Variants in PNPLA7 observed in about 807,000 individuals in gnomAD.
PNPLA7 encodes patatin-like phospholipase domain-containing protein 7.
Under a neutral mutation model 161.7 loss-of-function variants are expected in PNPLA7, and 153 were observed. The ratio of observed to expected loss-of-function variants is 0.95; its 90% CI spans 0.83 to 1.08. PNPLA7 has a LOEUF of 1.08. Among genes scored for constraint, PNPLA7 ranks in the 50% least tolerant of loss-of-function variants. The pLI is 0.00. For synonymous variants in PNPLA7, 809 were observed against 782.1 expected (o/e 1.03, Z -0.57); for missense variants, 1,739 against 1,856.6 (o/e 0.94, Z 1.16).
At chr9:137,544,607 C>A (rs897921298) in intron 4 of PNPLA7, among the ~76,000 whole-genome samples, 1 of 152,210 alleles carries the variant, frequency 6.6e-6, no homozygotes, top group Non-Finnish European at 1.5e-5. Context: ...CCACATCCCT[C>A]CCCTCTTGAG....
chr9:137,541,494 C>G lies in PNPLA7; in HGVS notation c.667-772G>C. On this transcript the variant is annotated intron_variant, in intron 7 of 34. Transcript: ENST00000406427. This position sits in a 1 kb window ranked among gnomAD's most constrained non-coding sequence, Gnocchi z 4.4. ...GGCAGTGCCGGAGCTGGCGTGGGAT[C>G]ACAGCCCACTCCCGGGACCACAGCT... The G allele has an allele frequency of 1.0e-6, 1 of 985,480 alleles. No homozygotes were observed. The highest frequency in any genetic ancestry group is 1.2e-6 in the Non-Finnish European group (1 of 829,936). The allele number at this position is 985,480 out of a possible 1,614,324, so 61.0% of individuals were successfully genotyped here. A position where few individuals can be genotyped will look rare whatever the true frequency, so the allele number is the denominator to read the frequency against.
intron 11 of PNPLA7, 85 bp downstream of exon 11, chr9:137,519,832 A>G (rs538119379): frequency 6.6e-7 from 1 of 1,521,776 alleles, no homozygotes; most frequent in South Asian, 1.3e-5. Context: ...CATGTGCAAG[A>G]TGACCTGGGG....
rs377012830 is a variant in PNPLA7 at position 137,541,784 on chromosome 9, G to A, written c.666+858C>T. ...TGAGCTCCTACGTGGATTCACACCC[G>A]AATTTTTTTTTTTTTGAGACAGGGT... On this transcript the variant is annotated intron_variant, in intron 7 of 34. Coordinates refer to ENST00000406427, the MANE Select transcript of PNPLA7 (RefSeq NM_001098537.3). This position sits in a 1 kb window ranked among gnomAD's most constrained non-coding sequence, Gnocchi z 4.4. 3.3e-5 allele frequency among the ~76,000 whole-genome samples: 5 copies of A among 151,808 alleles called. No individual in the cohort carries two copies. The highest frequency in any genetic ancestry group is 2.1e-4 in the South Asian group (1 of 4,804).
rs561281940 is a variant in PNPLA7, at chr9:137,519,514, G to A, written c.1084+403C>T. 3.9e-5 allele frequency among the ~76,000 whole-genome samples: 6 copies of A among 152,272 alleles called. No homozygotes were observed. The East Asian group carries it at 5.8e-4, about 15-fold the overall frequency. ...GGAGACGGGCACACGTAATGAGACCGTTGGAGGTTTGAGGACATCCAGCCC... is the reference window on the plus strand; with the variant it reads ...GGAGACGGGCACACGTAATGAGACCATTGGAGGTTTGAGGACATCCAGCCC... On this transcript the variant is annotated intron_variant, in intron 11 of 34. Coordinates refer to ENST00000406427, the MANE Select transcript of PNPLA7 (RefSeq NM_001098537.3).
chr9:137,548,726 C>T (rs1260215251), intron 1 of PNPLA7, among the ~76,000 whole-genome samples: 10 of 152,012 alleles, frequency 6.6e-5, no homozygotes, highest in African/African-American at 2.2e-4. Context: ...CCAGCCTGGG[C>T]GACAGAGCGA....
At chr9:137,527,209 A>G (rs1028053993) in intron 8 of PNPLA7, among the ~76,000 whole-genome samples, 1 of 151,806 alleles carries the variant, frequency 6.6e-6, no homozygotes, top group Non-Finnish European at 1.5e-5. Context: ...CGGAGGTTGC[A>G]GTGAGCCAAG....
intron 23 of PNPLA7, chr9:137,479,653 AG>A (rs1832110345): frequency 1.0e-6 from 1 of 985,348 alleles, no homozygotes. Context: ...ATGAGAACAG[AG>A]CAGGGAGCAG....
chr9:137,497,551 G>A (rs1283544611), intron 17 of PNPLA7, among the ~76,000 whole-genome samples: 2 of 152,068 alleles, frequency 1.3e-5, no homozygotes, highest in African/African-American at 4.8e-5. Flanking sequence ...TTTTTGAGAC[G>A]GAGTCTCGCT....
At chr9:137,480,889 C>T (rs1832184886) in intron 22 of PNPLA7, 71 bp downstream of exon 22, 1 of 1,460,610 alleles carries the variant, frequency 6.8e-7, no homozygotes, top group African/African-American at 1.4e-5. Context: ...TGGATGTGGA[C>T]ACAGTGGGGA....
In PNPLA7 at chr9:137,460,676, G is replaced by A. The variant is rs141046571; in HGVS notation, c.3903C>T (p.Tyr1301=). 1.6e-3 allele frequency: 2,622 copies of A among 1,612,876 alleles called. 6 individuals carry two copies. The highest frequency in any genetic ancestry group is 3.4e-3 in the Admixed American group (203 of 60,010). The stretch of plus-strand genomic sequence containing the variant: ...GGGCTGAGGTGCTCTGGAAGTCTGC[G>A]TATGCATCCCTGGGGACGTCCAGCA... ...EELLDVPRDA[Y]ADFQSTSAQQ... Residue 1301 remains tyrosine (Y), a synonymous_variant, in exon 34 of 35, where the codon TAC becomes TAT. Coordinates refer to ENST00000406427, the MANE Select transcript of PNPLA7 (RefSeq NM_001098537.3).
rs1000303156 is a variant in PNPLA7 at position 137,468,920 on chromosome 9, C to A, written c.2883-1447G>T. Among the ~76,000 whole-genome samples the A allele has an allele frequency of 6.6e-6, 1 of 151,968 alleles. No homozygotes were observed. Among genetic ancestry groups the A allele is most frequent in the Admixed American group, 6.6e-5 (1 of 15,258 alleles). ...ATAATAAAAAAAACCATATGTAATA[C>A]TGCCACAGAATATTACTCAGGTATA... On this transcript the variant is annotated intron_variant, in intron 25 of 34. Transcript: ENST00000406427. This position sits in a 1 kb window ranked among gnomAD's most constrained non-coding sequence, Gnocchi z 4.0.
intron 20 of PNPLA7, 142 bp from the exon 21 acceptor site, chr9:137,484,878 A>C: frequency 1.0e-5 from 11 of 1,055,966 alleles, no homozygotes; most frequent in Non-Finnish European, 1.3e-5. Context: ...CCCAGTCCTG[A>C]GGCTGCCTGG....
Position 137,462,811 on chromosome 9 carries a change from C to T in PNPLA7, c.3366G>A (p.Gly1122=). The T allele has an allele frequency of 1.2e-6, 2 of 1,613,882 alleles. No individual in the cohort carries two copies. Among genetic ancestry groups the T allele is most frequent in the Middle Eastern group, 1.7e-4 (1 of 6,060 alleles). Residue 1122 remains glycine, a synonymous_variant, in exon 30 of 35, where the codon GGG becomes GGA. Transcript: ENST00000406427. Reference sequence around the variant, plus strand: ...CGTCAATGGCGATCACCACTTTTGCCCCCATGGACCGGGCCACATCCGCTA... The same window carrying T: ...CGTCAATGGCGATCACCACTTTTGCTCCCATGGACCGGGCCACATCCGCTA... ...NLPADVARSM[G]AKVVIAIDVG... is the part of the protein sequence containing the mutation.
In PNPLA7 at chr9:137,490,721, C is replaced by G. The variant is rs181704163; in HGVS notation, c.2197+2292G>C. On this transcript the variant is annotated intron_variant, in intron 20 of 34. Transcript: ENST00000406427. The surrounding 1 kb of genome is among the most constrained non-coding windows in gnomAD (Gnocchi z 4.1). ...GAGCCCAGAAGGAAACCTGAGATGC[C>G]GCAAATGAAAGAAGAGCAGGAGGAC... is the stretch of plus-strand genomic sequence containing the variant. Among the ~76,000 whole-genome samples, 1 of 152,100 alleles carries G rather than the reference C, an allele frequency of 6.6e-6. No homozygotes were observed. The highest frequency in any genetic ancestry group is 2.4e-5 in the African/African-American group (1 of 41,384).
intron 25 of PNPLA7, among the ~76,000 whole-genome samples, chr9:137,475,245 C>T (rs1011208362): frequency 6.6e-6 from 1 of 151,890 alleles, no homozygotes; most frequent in Non-Finnish European, 1.5e-5. Flanking sequence ...GGCACAGTGG[C>T]TCACGCCTGT....
At position 137,484,756 on chromosome 9, in the gene PNPLA7, C is replaced by T. The variant is rs373868838; in HGVS notation, c.2198-20G>A. The stretch of plus-strand genomic sequence containing the variant: ...GGTGGCCTGTGGAGCAAAGGACCCA[C>T]GTCAGCTGGGACAGCCCACACGCTC... On this transcript the variant is annotated intron_variant, in intron 20 of 34. Coordinates refer to ENST00000406427, the MANE Select transcript of PNPLA7 (RefSeq NM_001098537.3). 7.5e-6 allele frequency: 12 copies of T among 1,590,082 alleles called. No homozygotes were observed. The highest frequency in any genetic ancestry group is 3.4e-5 in the South Asian group (3 of 87,596).
At chr9:137,538,728 C>G (rs1836024015) in intron 8 of PNPLA7, among the ~76,000 whole-genome samples, 1 of 152,104 alleles carries the variant, frequency 6.6e-6, no homozygotes, top group Non-Finnish European at 1.5e-5. Flanking sequence ...AGGTTTTACT[C>G]AAAGAAAAAA....
chr9:137,499,989 G>C lies in PNPLA7; in HGVS notation c.1757+702C>G, dbSNP rs903817745. Among the ~76,000 whole-genome samples, 21 of 152,344 alleles carry C rather than the reference G, an allele frequency of 1.4e-4. No individual in the cohort carries two copies. Among genetic ancestry groups the C allele is most frequent in the Admixed American group, 1.3e-3 (20 of 15,306 alleles). ...GAGCTGGGGTTAAACTGAACCCCAGGCTCCAGGAGATTCTGGACCTGACAG... is the reference window on the plus strand; with the variant it reads ...GAGCTGGGGTTAAACTGAACCCCAGCCTCCAGGAGATTCTGGACCTGACAG... On this transcript the variant is annotated intron_variant, in intron 16 of 34. Coordinates refer to ENST00000406427, the MANE Select transcript of PNPLA7 (RefSeq NM_001098537.3). The surrounding 1 kb of genome is among the most constrained non-coding windows in gnomAD (Gnocchi z 5.5).
At chr9:137,539,718 A>G (rs989081646) in intron 8 of PNPLA7, among the ~76,000 whole-genome samples, 1 of 152,206 alleles carries the variant, frequency 6.6e-6, no homozygotes, top group Non-Finnish European at 1.5e-5. Context: ...ATTTTTGCAC[A>G]TTTTTGAACT....
Sources: gnomAD v4.1 joint callset for allele counts (sites outside exome capture counted in the v4.1 genomes callset) on GRCh38, gnomAD v4.1.1 for gene constraint, Gnocchi (gnomAD v3.1) non-coding constraint, MANE v1.5 for transcripts, NCBI Gene and HGNC (gene_info 2026-07-23, HGNC 2026-07-21) for gene names.